The following IL23R variants were observed in gnomAD, a reference collection of about 807,000 sequenced individuals.
IL23R encodes the protein interleukin 23 receptor, also known as interleukin-23 receptor.
Under a neutral mutation model 56.9 loss-of-function variants are expected in IL23R, and 34 were observed. The ratio of observed to expected loss-of-function variants is 0.60; its 90% CI spans 0.45 to 0.80. The LOEUF (loss-of-function observed/expected upper bound fraction) is 0.80, where lower values mean the gene tolerates loss of function less well. IL23R is among the 30% of genes least tolerant of loss of function. The probability of loss-of-function intolerance (pLI) is 0.00; values close to 1 mark genes in which losing one functional copy is unlikely to be tolerated. For missense variants in IL23R, 635 were observed against 730.0 expected, an observed-to-expected ratio of 0.87 and a Z score of 1.50; for synonymous variants, 230 against 249.2, an observed-to-expected ratio of 0.92 and a Z score of 0.73.
At chr1:67,198,724 T>C (rs1430382351) in intron 4 of IL23R, among the ~76,000 whole-genome samples, 1 of 152,008 alleles carries the variant, frequency 6.6e-6, no homozygotes, top group African/African-American at 2.4e-5. Flanking sequence ...ACGGGCAGAG[T>C]GCTTGAGTTC....
chr1:67,213,389 AAGG>A (rs1261616999), intron 6 of IL23R, among the ~76,000 whole-genome samples: 2 of 152,190 alleles, frequency 1.3e-5, no homozygotes, highest in Non-Finnish European at 2.9e-5. Flanking sequence ...TAGTAGAGCA[AAGG>A]AATCCAACTG....
chr1:67,161,455 A>G (rs934017542), upstream of IL23R, among the ~76,000 whole-genome samples: 4 of 152,054 alleles, frequency 2.6e-5, no homozygotes, highest in Admixed American at 6.5e-5. Flanking sequence ...GAAAACTACT[A>G]TTGATAGCTT....
intron 6 of IL23R, among the ~76,000 whole-genome samples, chr1:67,209,736 G>A (rs1485076351): frequency 1.3e-5 from 2 of 152,110 alleles, no homozygotes; most frequent in Non-Finnish European, 2.9e-5. Flanking sequence ...GAGAACATGT[G>A]GTATTTGATT....
At chr1:67,194,238 G>T (rs965488546) in intron 4 of IL23R, among the ~76,000 whole-genome samples, 1 of 151,652 alleles carries the variant, frequency 6.6e-6, no homozygotes, top group African/African-American at 2.4e-5. Context: ...GGCCATTGGG[G>T]ATCATTCAGC....
intron 4 of IL23R, among the ~76,000 whole-genome samples, chr1:67,185,347 G>T (rs1425995320): frequency 6.6e-6 from 1 of 152,118 alleles, no homozygotes; most frequent in Non-Finnish European, 1.5e-5. Context: ...GCATATTTAA[G>T]ATATTCTACT....
Position 67,259,211 on chromosome 1 carries a change from C to A in IL23R, c.*83C>A. 2 of 1,346,184 alleles carry A rather than the reference C, an allele frequency of 1.5e-6. No homozygotes were observed. Among genetic ancestry groups the A allele is most frequent in the Non-Finnish European group, 2.1e-6 (2 of 949,298 alleles). The allele number at this position is 1,346,184 out of a possible 1,614,324, so 83.4% of individuals were successfully genotyped here. A position where few individuals can be genotyped will look rare whatever the true frequency, so the allele number is the denominator to read the frequency against. ...CCCTGCAATAGAAATTGAATTCTGC[C>A]TCTTTTTGAAAAAAATGTATTCACA... On this transcript the variant is annotated 3_prime_UTR_variant, in exon 11 of 11. Transcript: ENST00000347310.
chr1:67,238,729 G>A (rs1467776172), intron 8 of IL23R, among the ~76,000 whole-genome samples: 4 of 152,168 alleles, frequency 2.6e-5, no homozygotes, highest in Admixed American at 2.6e-4. Context: ...GTTGACCTGA[G>A]GGCTGTCTAT....
intron 6 of IL23R, among the ~76,000 whole-genome samples, chr1:67,214,876 G>T (rs1016698112): frequency 6.6e-6 from 1 of 152,200 alleles, no homozygotes; most frequent in Non-Finnish European, 1.5e-5. Flanking sequence ...GACTGGGCCT[G>T]CCTGGCCAAA....
chr1:67,189,263 C>G (rs1183005851), intron 4 of IL23R, among the ~76,000 whole-genome samples: 1 of 151,942 alleles, frequency 6.6e-6, no homozygotes, highest in Non-Finnish European at 1.5e-5. Flanking sequence ...ATAGTAAATG[C>G]TCAATAAATA....
chr1:67,230,960 G>A (rs558102478), intron 7 of IL23R, among the ~76,000 whole-genome samples: 4 of 152,208 alleles, frequency 2.6e-5, no homozygotes, highest in South Asian at 2.1e-4. Flanking sequence ...AAGGAGATGC[G>A]AAAGAGAGAA....
chr1:67,184,065 C>G (rs1647206522), intron 4 of IL23R, among the ~76,000 whole-genome samples: 1 of 151,768 alleles, frequency 6.6e-6, no homozygotes, highest in Non-Finnish European at 1.5e-5. Context: ...GAAACCCCAT[C>G]TCTACTAAAA....
At chr1:67,188,528 A>T (rs1453021901) in intron 4 of IL23R, among the ~76,000 whole-genome samples, 1 of 152,234 alleles carries the variant, frequency 6.6e-6, no homozygotes, top group Non-Finnish European at 1.5e-5. Context: ...CAAAGCTTAT[A>T]AAAAAGCAAA....
chr1:67,249,512 A>G (rs778307287), intron 9 of IL23R, among the ~76,000 whole-genome samples: 13 of 152,322 alleles, frequency 8.5e-5, no homozygotes, highest in Non-Finnish European at 1.3e-4. Flanking sequence ...TGATAAATTA[A>G]CATAATAACC....
At chr1:67,265,195 A>G in the IL23R span, among the ~76,000 whole-genome samples, 2 of 152,242 alleles carry the variant, frequency 1.3e-5, no homozygotes, top group Non-Finnish European at 1.5e-5. Context: ...AGAGGAGAGC[A>G]AGAGAGAAAG....
intron 4 of IL23R, among the ~76,000 whole-genome samples, chr1:67,188,090 G>T (rs1647478520): frequency 6.6e-6 from 1 of 152,068 alleles, no homozygotes; most frequent in Non-Finnish European, 1.5e-5. Flanking sequence ...AAAAACTCAA[G>T]TGCAGTCACT....
At chr1:67,220,242 G>A (rs1650152713) in intron 7 of IL23R, among the ~76,000 whole-genome samples, 1 of 151,964 alleles carries the variant, frequency 6.6e-6, no homozygotes, top group Non-Finnish European at 1.5e-5. Flanking sequence ...GGTGGCAGGT[G>A]CCTGTAATCT....
At chr1:67,185,265 T>G (rs1647260998) in intron 4 of IL23R, among the ~76,000 whole-genome samples, 1 of 152,164 alleles carries the variant, frequency 6.6e-6, no homozygotes, top group Non-Finnish European at 1.5e-5. Context: ...GAGGTGGAAT[T>G]TGAACATAGG....
chr1:67,168,058 T>A, intron 1 of IL23R, 34 bp from the exon 2 acceptor site: 4 of 1,161,504 alleles, frequency 3.4e-6, no homozygotes, highest in Non-Finnish European at 5.2e-6. Flanking sequence ...ACTAAAATAC[T>A]ACAATTTAAA....
chr1:67,206,753 G>C (rs908623774), intron 5 of IL23R, among the ~76,000 whole-genome samples, 157 bp from the exon 6 acceptor site: 4 of 151,466 alleles, frequency 2.6e-5, no homozygotes, highest in Non-Finnish European at 4.4e-5. Flanking sequence ...TAACAAATTA[G>C]CAAATAAGAA....
Sources: gnomAD v4.1 joint callset for allele counts (sites outside exome capture counted in the v4.1 genomes callset) on GRCh38, gnomAD v4.1.1 for gene constraint, MANE v1.5 for transcripts, NCBI Gene and HGNC (gene_info 2026-07-23, HGNC 2026-07-21) for gene names.